Variants in LARS1 observed in about 807,000 individuals in gnomAD.
The protein encoded by LARS1 is leucyl-tRNA synthetase 1.
In LARS1, 100 loss-of-function variants were observed where a neutral mutation model predicts 162.8. That is an observed-to-expected ratio of 0.61 (90% confidence interval 0.52 to 0.73). The LOEUF is 0.73. LARS1 is among the 30% of genes least tolerant of loss of function. LARS1 has a pLI of 0.00. For synonymous variants in LARS1, 457 were observed against 462.8 expected (o/e 0.99, Z 0.16); for missense variants, 1,258 against 1,408.9 (o/e 0.89, Z 1.71).
At chr5:146,157,877 C>G in intron 8 of LARS1, 82 bp from the exon 9 acceptor site, 1 of 1,358,738 alleles carries the variant, frequency 7.4e-7, no homozygotes, top group South Asian at 1.2e-5. Context: ...AGATCTGATT[C>G]AAGTCCCTAA....
At position 146,177,655 on chromosome 5, in the gene LARS1, C is replaced by A. The variant is rs763316749; in HGVS notation, c.17G>T (p.Gly6Val). The A allele has an allele frequency of 1.9e-6, 3 of 1,560,172 alleles. No individual in the cohort carries two copies. The African/African-American group carries it at 4.1e-5, about 21-fold the overall frequency. ...CTTCAAAAAGTCCACTTTGGCTGTTCCTTTTCTTTCCTATTGGACACAAAG... is the reference window on the plus strand; with the variant it reads ...CTTCAAAAAGTCCACTTTGGCTGTTACTTTTCTTTCCTATTGGACACAAAG... MAERK[G>V]TAKVDFLKKI... Residue 6 changes from glycine to valine, a missense_variant, in exon 2 of 32, where the codon GGA becomes GTA. Transcript: ENST00000394434.
At chr5:146,138,958 A>G (rs977170646) in intron 21 of LARS1, 3 of 376,506 alleles carry the variant, frequency 8.0e-6, no homozygotes, top group African/African-American at 2.2e-5. Flanking sequence ...TCTTCCTGCT[A>G]AGGCTATTGG....
At chr5:146,157,825 AGG>A (rs1457525739) in intron 8 of LARS1, 30 bp from the exon 9 acceptor site, 2 of 1,602,706 alleles carry the variant, frequency 1.2e-6, no homozygotes, top group African/African-American at 2.7e-5. Flanking sequence ...AAAAATTTGA[AGG>A]AAAAAAAAGA....
At chr5:146,119,448 G>T (rs1307401312) in intron 31 of LARS1, among the ~76,000 whole-genome samples, 2 of 152,106 alleles carry the variant, frequency 1.3e-5, no homozygotes, top group African/African-American at 4.8e-5. Context: ...TTAGGTTATT[G>T]TTAGGGATTT....
At chr5:146,143,588 AC>A in intron 18 of LARS1, 38 bp from the exon 19 acceptor site, 1 of 1,602,054 alleles carries the variant, frequency 6.2e-7, no homozygotes, top group Non-Finnish European at 8.5e-7. Context: ...AACCTGAGAG[AC>A]ATTTCATCTA....
intron 10 of LARS1, among the ~76,000 whole-genome samples, chr5:146,156,705 T>A (rs868028888): frequency 1.2e-4 from 17 of 138,424 alleles, no homozygotes; most frequent in East Asian, 4.3e-4. Context: ...AAAAAAAAAA[T>A]AAAAATAAAA....
intron 13 of LARS1, 77 bp downstream of exon 13, chr5:146,153,097 T>C (rs369671135): frequency 4.2e-6 from 5 of 1,178,336 alleles, no homozygotes; most frequent in East Asian, 4.9e-5. Context: ...AATTTTGTTA[T>C]AAGGAAAACA....
At chr5:146,130,679 C>T (rs911931788) in intron 24 of LARS1, 2 of 192,126 alleles carry the variant, frequency 1.0e-5, no homozygotes, top group Non-Finnish European at 2.1e-5. Context: ...AACGCTTGCT[C>T]TCAAATTAAT....
intron 14 of LARS1, among the ~76,000 whole-genome samples, chr5:146,150,933 C>T (rs899282057): frequency 1.1e-5 from 1 of 89,836 alleles, no homozygotes; most frequent in African/African-American, 5.0e-5. Flanking sequence ...AGCAAGACTC[C>T]GTCAGATAGA....
chr5:146,147,086 A>G (rs1184429571), intron 15 of LARS1, among the ~76,000 whole-genome samples: 1 of 152,118 alleles, frequency 6.6e-6, no homozygotes, highest in African/African-American at 2.4e-5. Context: ...CCAATACTAA[A>G]AAAACTTAAC....
intron 20 of LARS1, 147 bp from the exon 21 acceptor site, chr5:146,140,408 G>A: frequency 4.7e-6 from 3 of 635,242 alleles, no homozygotes; most frequent in Non-Finnish European, 8.4e-6. Flanking sequence ...TTTGTAATGG[G>A]AAGTGAAAAC....
intron 31 of LARS1, among the ~76,000 whole-genome samples, chr5:146,117,575 A>C (rs1190990242): frequency 1.3e-5 from 2 of 152,194 alleles, no homozygotes; most frequent in Non-Finnish European, 2.9e-5. Context: ...GTGCCACTGC[A>C]CTCCAGCCTG....
chr5:146,115,192 G>T (rs556593708), intron 31 of LARS1, among the ~76,000 whole-genome samples: 1 of 152,018 alleles, frequency 6.6e-6, no homozygotes, highest in East Asian at 1.9e-4. Flanking sequence ...AGAATTGTGT[G>T]TATTTTTTAG....
chr5:146,144,804 C>T (rs1386781253), intron 15 of LARS1, 95 bp from the exon 16 acceptor site: 7 of 1,074,442 alleles, frequency 6.5e-6, no homozygotes, highest in Non-Finnish European at 9.6e-6. Flanking sequence ...GCTATACCAC[C>T]AATAACTGAA....
intron 5 of LARS1, among the ~76,000 whole-genome samples, chr5:146,165,378 A>G (rs1350753141): frequency 6.6e-6 from 1 of 151,816 alleles, no homozygotes; most frequent in African/African-American, 2.4e-5. Flanking sequence ...CAATAATACA[A>G]AAATTAGCTG....
At chr5:146,177,708 G>C in intron 1 of LARS1, 43 bp from the exon 2 acceptor site, 1 of 1,047,092 alleles carries the variant, frequency 9.6e-7, no homozygotes, top group South Asian at 1.4e-5. Context: ...ATTTCAGCAC[G>C]CTTGCTTTAA....
Position 146,151,030 on chromosome 5 carries a change from A to G in LARS1, c.1425+832T>C, listed in dbSNP as rs113899710. 1.6e-4 allele frequency among the ~76,000 whole-genome samples: 24 copies of G among 151,726 alleles called. 1 individual carries two copies. The highest frequency in any genetic ancestry group is 5.8e-4 in the African/African-American group (24 of 41,320). ...CTACCTAGTTTGAATTCCAGTTCCC[A>G]CTGGCTAACTATCTGGCTAATCTCA... On this transcript the variant is annotated intron_variant, in intron 14 of 31. Coordinates refer to ENST00000394434, the MANE Select transcript of LARS1 (RefSeq NM_020117.11).
At chr5:146,181,358 A>C (rs562730601) in intron 1 of LARS1, among the ~76,000 whole-genome samples, 62 of 92,970 alleles carry the variant, frequency 6.7e-4, no homozygotes, top group South Asian at 8.9e-4. Context: ...TCTCAAGAAA[A>C]AAACAAACAA....
Position 146,182,386 on chromosome 5 carries a change from T to C in LARS1, c.6+102A>G, listed in dbSNP as rs527670809. On this transcript the variant is annotated intron_variant, in intron 1 of 31. Coordinates refer to ENST00000394434, the MANE Select transcript of LARS1 (RefSeq NM_020117.11). ...AAGGCACGCCTTAAGCGTGGCTCTCTTTTAGAAAAGGACTTTCCCTTCAGG... is the reference window on the plus strand; with the variant it reads ...AAGGCACGCCTTAAGCGTGGCTCTCCTTTAGAAAAGGACTTTCCCTTCAGG... 5 of 1,510,312 alleles carry C rather than the reference T, an allele frequency of 3.3e-6. No individual in the cohort carries two copies. In the East Asian group the frequency reaches 6.8e-5, roughly 20 times the overall value. The allele number at this position is 1,510,312 out of a possible 1,614,324, so 93.6% of individuals were successfully genotyped here.
Sources: allele counts gnomAD v4.1 joint callset (sites outside exome capture counted in the v4.1 genomes callset), GRCh38; gene constraint gnomAD v4.1.1; transcripts MANE v1.5; gene names NCBI Gene and HGNC (gene_info 2026-07-23, HGNC 2026-07-21).